CHST11: variants seen among roughly 807,000 people sequenced by gnomAD.
CHST11 encodes C4S-1.
In CHST11, 9 loss-of-function variants were observed where a neutral mutation model predicts 30.4. The ratio of observed to expected loss-of-function variants is 0.30; its 90% confidence interval spans 0.18 to 0.52. CHST11 has a LOEUF of 0.52. CHST11 is among the 20% of genes least tolerant of loss of function. The pLI is 0.97. For synonymous variants in CHST11, 152 were observed against 187.8 expected (o/e 0.81, Z 1.56); for missense variants, 348 against 460.6 (o/e 0.76, Z 2.24).
At chr12:104,668,530 C>CACAAA (rs2039661548) in intron 2 of CHST11, among the ~76,000 whole-genome samples, 2 of 152,108 alleles carry the variant, frequency 1.3e-5, no homozygotes, top group African/African-American at 4.8e-5. Context: ...AATACAGTCC[C>CACAAA]CATAAAGCAT....
intron 1 of CHST11, among the ~76,000 whole-genome samples, chr12:104,581,132 T>C (rs1218017470): frequency 6.6e-6 from 1 of 152,242 alleles, no homozygotes; most frequent in Non-Finnish European, 1.5e-5. Context: ...CAGCCTTTTC[T>C]GAGTAGAACC....
At chr12:104,546,892 T>G (rs1255663039) in intron 1 of CHST11, among the ~76,000 whole-genome samples, 1 of 152,262 alleles carries the variant, frequency 6.6e-6, no homozygotes, top group Non-Finnish European at 1.5e-5. Flanking sequence ...GGTCCCAGGC[T>G]GTGCCTTTTA....
At chr12:104,502,045 C>G (rs77697361) in intron 1 of CHST11, among the ~76,000 whole-genome samples, 2 of 134,668 alleles carry the variant, frequency 1.5e-5, no homozygotes, top group Non-Finnish European at 3.3e-5. Context: ...TTTTTTTTTT[C>G]TAGGACAGTG....
At chr12:104,630,074 C>A (rs2039256451) in intron 2 of CHST11, among the ~76,000 whole-genome samples, 1 of 152,174 alleles carries the variant, frequency 6.6e-6, no homozygotes, top group African/African-American at 2.4e-5. Flanking sequence ...ATAATTTTTC[C>A]TTTTGATTAA....
intron 2 of CHST11, among the ~76,000 whole-genome samples, chr12:104,648,445 G>A (rs771259139): frequency 1.1e-4 from 17 of 152,246 alleles, no homozygotes; most frequent in East Asian, 1.9e-4. Flanking sequence ...ATCGTGGTTC[G>A]GTAGGTTAGC....
At chr12:104,696,482 C>CAA (rs10602668) in intron 2 of CHST11, among the ~76,000 whole-genome samples, 13,593 of 69,020 alleles carry the variant, frequency 0.2, 1,899 homozygotes, top group Non-Finnish European at 0.25. Context: ...GCTAAAAATA[C>CAA]AAAAAAAAAA....
At chr12:104,552,009 C>T (rs1199439910) in intron 1 of CHST11, 3 of 152,228 alleles carry the variant, frequency 2.0e-5, no homozygotes, top group Non-Finnish European at 2.9e-5. Context: ...ATTCAACAAG[C>T]ATTTTTTGAG....
intron 1 of CHST11, among the ~76,000 whole-genome samples, chr12:104,583,009 C>T (rs1186232945): frequency 6.6e-6 from 1 of 151,978 alleles, no homozygotes; most frequent in East Asian, 1.9e-4. Context: ...TATTGTCTTA[C>T]AGCTTTTTAA....
At chr12:104,572,335 G>A (rs371292547) in intron 1 of CHST11, among the ~76,000 whole-genome samples, 6,960 of 150,576 alleles carry the variant, frequency 0.046, 191 homozygotes, top group African/African-American at 0.11. Context: ...CTGTGAATCC[G>A]TCTGGTCCTG....
intron 2 of CHST11, among the ~76,000 whole-genome samples, chr12:104,648,738 CAGG>C (rs2039461477): frequency 6.6e-6 from 1 of 151,074 alleles, no homozygotes. Flanking sequence ...CACTTGAACA[CAGG>C]AGGTGGAGGT....
chr12:104,474,371 A>G (rs1329655239), intron 1 of CHST11, among the ~76,000 whole-genome samples: 1 of 152,196 alleles, frequency 6.6e-6, no homozygotes, highest in African/African-American at 2.4e-5. Flanking sequence ...CCGAACGACA[A>G]TTATGTGCTT....
intron 1 of CHST11, among the ~76,000 whole-genome samples, chr12:104,564,378 G>A (rs182185231): frequency 1.3e-5 from 2 of 152,234 alleles, no homozygotes; most frequent in East Asian, 1.9e-4. Context: ...ATGACAATTA[G>A]TGTGTTGCCT....
intron 2 of CHST11, among the ~76,000 whole-genome samples, chr12:104,642,461 C>T (rs1023219327): frequency 3.9e-5 from 6 of 152,038 alleles, no homozygotes; most frequent in African/African-American, 9.7e-5. Context: ...AGTGCAGTGG[C>T]GCAATCGTGG....
chr12:104,731,604 C>T (rs312162), intron 2 of CHST11, among the ~76,000 whole-genome samples: 91,495 of 152,122 alleles, frequency 0.6, 28,575 homozygotes, highest in East Asian at 0.99. Flanking sequence ...TGTAAACCCC[C>T]GCACCCCTGA....
At chr12:104,520,134 C>T (rs1422431701) in intron 1 of CHST11, among the ~76,000 whole-genome samples, 1 of 152,160 alleles carries the variant, frequency 6.6e-6, no homozygotes, top group Non-Finnish European at 1.5e-5. Context: ...ACCCATGCTA[C>T]AGGCAGTAAG....
At chr12:104,587,552 C>T (rs1170643893) in intron 1 of CHST11, among the ~76,000 whole-genome samples, 1 of 152,148 alleles carries the variant, frequency 6.6e-6, no homozygotes, top group African/African-American at 2.4e-5. Flanking sequence ...CGTGCACCAC[C>T]ACACCTTGGT....
intron 1 of CHST11, among the ~76,000 whole-genome samples, chr12:104,471,862 C>T (rs1261421645): frequency 7.2e-5 from 11 of 152,158 alleles, no homozygotes; most frequent in Non-Finnish European, 1.6e-4. Flanking sequence ...ACTAGCCATA[C>T]GTGACTAGGG....
chr12:104,659,009 G>A (rs7962538), intron 2 of CHST11, among the ~76,000 whole-genome samples: 3,237 of 152,314 alleles, frequency 0.021, 88 homozygotes, highest in African/African-American at 0.067. Flanking sequence ...CTTAATAGGC[G>A]TAATATTCCA....
At chr12:104,746,946 T>A (rs1255928471) in intron 2 of CHST11, among the ~76,000 whole-genome samples, 1 of 152,166 alleles carries the variant, frequency 6.6e-6, no homozygotes, top group Non-Finnish European at 1.5e-5. Flanking sequence ...GTCCCCTATC[T>A]TAAACCTGAG....
Sources: gnomAD v4.1 joint callset for allele counts (sites outside exome capture counted in the v4.1 genomes callset) on GRCh38, gnomAD v4.1.1 for gene constraint, MANE v1.5 for transcripts, NCBI Gene and HGNC (gene_info 2026-07-23, HGNC 2026-07-21) for gene names.